EPHA10: variants seen among roughly 807,000 people sequenced by gnomAD.
The protein encoded by EPHA10 is EPH receptor A10.
In EPHA10, 120 loss-of-function variants were observed where a neutral mutation model predicts 109.7. The ratio of observed to expected loss-of-function variants is 1.09; its 90% CI spans 0.94 to 1.27. The LOEUF is 1.27. Among genes scored for constraint, EPHA10 ranks in the 50% most tolerant of loss-of-function variants. The pLI, the probability that EPHA10 is intolerant of heterozygous loss-of-function variation, is 0.00. For missense variants in EPHA10, 1,396 were observed against 1,411.1 expected (o/e 0.99, Z 0.17); for synonymous variants, 640 against 618.9 (o/e 1.03, Z -0.51).
At chr1:37,753,687 GGGGC>G in intron 4 of EPHA10, among the ~76,000 whole-genome samples, 1 of 100,842 alleles carries the variant, frequency 9.9e-6, no homozygotes, top group East Asian at 2.5e-4. Flanking sequence ...AGTGGGAGCA[GGGGC>G]GAGCGGGAGC....
intron 3 of EPHA10, among the ~76,000 whole-genome samples, chr1:37,757,581 C>T (rs918136474): frequency 6.6e-6 from 1 of 152,204 alleles, no homozygotes; most frequent in African/African-American, 2.4e-5. Flanking sequence ...TTGTCCCCAG[C>T]TCCCCACTCC....
rs114168918 is a variant in EPHA10 at position 37,728,300 on chromosome 1, G to A, written c.1664-1090C>T. ...TGGAGGGCCTTGAACGCTAAGCTAA[G>A]GAGTATAAACTTTCTCCTGTGGGTG... On this transcript the variant is annotated intron_variant, in intron 7 of 16. Coordinates refer to ENST00000373048, the MANE Select transcript of EPHA10 (RefSeq NM_001099439.2). Among the ~76,000 whole-genome samples the A allele has an allele frequency of 8.7e-3, 1,325 of 152,272 alleles. 17 individuals carry two copies. The highest frequency in any genetic ancestry group is 0.014 in the Middle Eastern group (4 of 294).
At position 37,717,132 on chromosome 1, in the gene EPHA10, C is replaced by T; in HGVS notation, c.*1240G>A. The T allele has an allele frequency of 4.3e-6, 1 of 231,320 alleles. No individual in the cohort carries two copies. Among genetic ancestry groups the T allele is most frequent in the Non-Finnish European group, 8.6e-6 (1 of 116,870 alleles). 14.3% of individuals were successfully genotyped at this position (231,320 alleles called of 1,614,324 possible). A position where few individuals can be genotyped will look rare whatever the true frequency, so the allele number is the denominator to read the frequency against. On this transcript the variant is annotated 3_prime_UTR_variant, in exon 17 of 17. Transcript: ENST00000373048. The stretch of plus-strand genomic sequence containing the variant: ...CTGCTGAGATCCAGCTGCCTTCCTG[C>T]CACCCTACGAAAGCTCTGGCATACT...
At position 37,717,390 on chromosome 1, in the gene EPHA10, G is replaced by C. The variant is rs1196810506; in HGVS notation, c.*982C>G. ...ACCAAGGACTCTCTCCCCAGAGCCA[G>C]CCTTACCCCTGGATTGGGTTCTGAC... On this transcript the variant is annotated 3_prime_UTR_variant, in exon 17 of 17. Transcript: ENST00000373048. The C allele has an allele frequency of 4.3e-6, 1 of 232,452 alleles. No individual in the cohort carries two copies. The highest frequency in any genetic ancestry group is 8.5e-6 in the Non-Finnish European group (1 of 117,758). 14.4% of individuals were successfully genotyped at this position (232,452 alleles called of 1,614,324 possible). A position where few individuals can be genotyped will look rare whatever the true frequency, so the allele number is the denominator to read the frequency against.
intron 3 of EPHA10, among the ~76,000 whole-genome samples, chr1:37,755,716 A>G (rs1646387902): frequency 6.6e-6 from 1 of 152,098 alleles, no homozygotes; most frequent in Admixed American, 6.5e-5. Context: ...TACCAACCAC[A>G]TTTTCACAAT....
chr1:37,728,327 C>T (rs1033002844), intron 7 of EPHA10, among the ~76,000 whole-genome samples: 9 of 152,110 alleles, frequency 5.9e-5, no homozygotes, highest in Admixed American at 2.0e-4. Context: ...CTGTGGGTGA[C>T]AGGGAGCAGT....
intron 7 of EPHA10, among the ~76,000 whole-genome samples, chr1:37,729,804 T>C (rs1187663172): frequency 1.3e-5 from 2 of 151,600 alleles, no homozygotes; most frequent in Admixed American, 1.3e-4. Context: ...GCCTGGAAAG[T>C]TGAGGCTGCA....
rs770164053 is a variant in EPHA10, at chr1:37,719,456, T to C, written c.2714A>G (p.Gln905Arg). 2.5e-5 allele frequency: 40 copies of C among 1,613,780 alleles called. No homozygotes were observed. The South Asian group carries it at 4.4e-4, about 18-fold the overall frequency. Residue 905 changes from glutamine to arginine, a missense_variant, in exon 15 of 17, where the codon CAG becomes CGG. Physicochemically the swap from Gln to Arg is conservative, Grantham distance 43. Coordinates refer to ENST00000373048, the MANE Select transcript of EPHA10 (RefSeq NM_001099439.2). The stretch of plus-strand genomic sequence containing the variant: ...GGCACACTTGGGGGGCTCTGGGTCC[T>C]GCACCATCTTGCTCAGGATGCTGTG... ...QIHSILSKMV[Q>R]DPEPPKCALT...
intron 3 of EPHA10, among the ~76,000 whole-genome samples, chr1:37,760,114 T>C (rs553139912): frequency 6.6e-6 from 1 of 152,348 alleles, no homozygotes; most frequent in South Asian, 2.1e-4. Flanking sequence ...CTTCCTCCCC[T>C]GTCCTCCCAC....
intron 6 of EPHA10, among the ~76,000 whole-genome samples, chr1:37,733,125 T>C (rs1452120029): frequency 6.6e-6 from 1 of 151,774 alleles, no homozygotes; most frequent in Non-Finnish European, 1.5e-5. Flanking sequence ...ACTCCTGACC[T>C]CAGGTGATCC....
intron 5 of EPHA10, among the ~76,000 whole-genome samples, chr1:37,740,418 G>A (rs977659368): frequency 6.6e-6 from 1 of 152,104 alleles, no homozygotes; most frequent in African/African-American, 2.4e-5. Flanking sequence ...CCATTCTCCT[G>A]CCTCAGCCTC....
intron 5 of EPHA10, among the ~76,000 whole-genome samples, chr1:37,742,281 G>C (rs1340933085): frequency 6.6e-6 from 1 of 152,144 alleles, no homozygotes; most frequent in African/African-American, 2.4e-5. Context: ...CTGAATTTTT[G>C]GTTCATAGTC....
Position 37,727,229 on chromosome 1 carries a change from G to A in EPHA10, c.1664-19C>T. ...GAGGCAGCTGGGAGGAAAATCACGA[G>A]GTTGAGGCAGGCAGAGGACCAGGCT... On this transcript the variant is annotated intron_variant, in intron 7 of 16. Transcript: ENST00000373048. 5 of 1,580,996 alleles carry A rather than the reference G, an allele frequency of 3.2e-6. No individual in the cohort carries two copies. The highest frequency in any genetic ancestry group is 4.3e-6 in the Non-Finnish European group (5 of 1,161,728).
Position 37,716,993 on chromosome 1 carries a change from T to C in EPHA10, c.*1379A>G, listed in dbSNP as rs879189362. 1 of 232,646 alleles carries C rather than the reference T, an allele frequency of 4.3e-6. No individual in the cohort carries two copies. The highest frequency in any genetic ancestry group is 6.1e-5 in the East Asian group (1 of 16,356). 14.4% of individuals were successfully genotyped at this position (232,646 alleles called of 1,614,324 possible). A position where few individuals can be genotyped will look rare whatever the true frequency, so the allele number is the denominator to read the frequency against. On this transcript the variant is annotated 3_prime_UTR_variant, in exon 17 of 17. Transcript: ENST00000373048. ...CCCCCAAGGGCAGGCTGTGTGTCTT[T>C]TTCATCTTTACCTCTTGTCTCCTCT...
At chr1:37,726,745 C>A (rs1645898098) in intron 8 of EPHA10, among the ~76,000 whole-genome samples, 2 of 152,242 alleles carry the variant, frequency 1.3e-5, no homozygotes, top group African/African-American at 2.4e-5. Context: ...TGTTCGAGGG[C>A]CTCAAGAGGC....
chr1:37,719,795 C>T (rs924350852), intron 14 of EPHA10, 114 bp downstream of exon 14: 17 of 1,555,438 alleles, frequency 1.1e-5, no homozygotes, highest in Non-Finnish European at 1.3e-5. Flanking sequence ...AGCAAGCAGA[C>T]AGAGAAGAGG....
chr1:37,738,592 A>C (rs1334034213), intron 5 of EPHA10, among the ~76,000 whole-genome samples: 1 of 152,178 alleles, frequency 6.6e-6, no homozygotes, highest in African/African-American at 2.4e-5. Flanking sequence ...TGCTATGGAA[A>C]ACAATATGGA....
chr1:37,753,284 C>A (rs1646358819), intron 4 of EPHA10, 58 bp from the exon 5 acceptor site: 2 of 27,316 alleles, frequency 7.3e-5, no homozygotes, highest in Non-Finnish European at 1.3e-4. Context: ...GTGAGAGGGG[C>A]GGGATGCACG....
chr1:37,718,181 C>T lies in EPHA10; in HGVS notation c.*191G>A, dbSNP rs1288837888. ...TTCAGGGGCACTGAGTTAGCCAAGG[C>T]GTTCAGACTCGTGAAAATGGGAGGG... On this transcript the variant is annotated 3_prime_UTR_variant, in exon 17 of 17. Coordinates refer to ENST00000373048, the MANE Select transcript of EPHA10 (RefSeq NM_001099439.2). 26 of 590,698 alleles carry T rather than the reference C, an allele frequency of 4.4e-5. No homozygotes were observed. The East Asian group carries it at 6.6e-4, about 15-fold the overall frequency. 36.6% of individuals were successfully genotyped at this position (590,698 alleles called of 1,614,324 possible).
Sources: gnomAD v4.1 joint callset for allele counts (sites outside exome capture counted in the v4.1 genomes callset) on GRCh38, gnomAD v4.1.1 for gene constraint, MANE v1.5 for transcripts, NCBI Gene and HGNC (gene_info 2026-07-23, HGNC 2026-07-21) for gene names.